Variants in ADAM28 observed in about 807,000 individuals in gnomAD.
ADAM28 encodes ADAM metallopeptidase domain 28.
In ADAM28, 105 loss-of-function variants were observed where a neutral mutation model predicts 101.2. The observed-to-expected ratio is 1.04, with a 90% CI of 0.89 to 1.22. The LOEUF is 1.22. ADAM28 is among the 50% of genes most tolerant of loss of function. The pLI is 0.00. For missense variants in ADAM28, 1,028 were observed against 945.4 expected (o/e 1.09, Z -1.15); for synonymous variants, 322 against 310.6 (o/e 1.04, Z -0.39).
rs868515158 is a variant in ADAM28 at position 24,358,121 on chromosome 8, A to C, written c.*3717A>C. The C allele has an allele frequency of 6.9e-4, 105 of 152,234 alleles. 1 individual carries two copies. Among genetic ancestry groups the C allele is most frequent in the African/African-American group, 2.2e-3 (90 of 41,464 alleles). The allele number at this position is 152,234 out of a possible 1,614,324, so 9.4% of individuals were successfully genotyped here. A position where few individuals can be genotyped will look rare whatever the true frequency, so the allele number is the denominator to read the frequency against. On this transcript the variant is annotated 3_prime_UTR_variant, in exon 23 of 23. Transcript: ENST00000265769. ...AACTTATATTTCCAGATATTTTAAA[A>C]ATTAAAGCAAAATGTGTATAAACTT...
At position 24,349,845 on chromosome 8, in the gene ADAM28, C is replaced by T. The variant is rs367933026; in HGVS notation, c.1991-19C>T. The stretch of plus-strand genomic sequence containing the variant: ...GTGTGTTTCTGCAGTCCTCAGCGGG[C>T]CCCTGTTCTCTGCTGCAGACTTCTC... On this transcript the variant is annotated intron_variant, in intron 18 of 22. Coordinates refer to ENST00000265769, the MANE Select transcript of ADAM28 (RefSeq NM_014265.6). 62 of 1,605,542 alleles carry T rather than the reference C, an allele frequency of 3.9e-5. No individual in the cohort carries two copies. The highest frequency in any genetic ancestry group is 4.5e-5 in the Non-Finnish European group (53 of 1,172,872).
At chr8:24,328,974 CAG>C (rs1439068346) in intron 10 of ADAM28, among the ~76,000 whole-genome samples, 7 of 151,116 alleles carry the variant, frequency 4.6e-5, no homozygotes, top group Admixed American at 1.3e-4. Context: ...TGGGGCAAGA[CAG>C]AATGGAGGTC....
Position 24,309,926 on chromosome 8 carries a change from G to T in ADAM28, c.183G>T (p.Met61Ile). The T allele has an allele frequency of 6.4e-7, 1 of 1,562,488 alleles. No individual in the cohort carries two copies. Among genetic ancestry groups the T allele is most frequent in the Non-Finnish European group, 8.8e-7 (1 of 1,135,708 alleles). The change falls in exon 3 of 23, where the codon ATG (methionine) becomes ATT (isoleucine). Residue 61 changes from methionine to isoleucine, a missense_variant. Coordinates refer to ENST00000265769, the MANE Select transcript of ADAM28 (RefSeq NM_014265.6). ...TTGAAACTGAATTAAAGTATAAAAT[G>T]ACAATTAATGGAAAAATTGCAGTGC... Reference protein sequence around the residue: ...EQFETELKYKMTINGKIAVLY... With the variant: ...EQFETELKYKITINGKIAVLY...
In ADAM28 at chr8:24,321,238, T is replaced by C. The variant is rs1466413233; in HGVS notation, c.669T>C (p.Asn223=). 3 of 1,605,782 alleles carry C rather than the reference T, an allele frequency of 1.9e-6. No individual in the cohort carries two copies. Among genetic ancestry groups the C allele is most frequent in the Non-Finnish European group, 2.6e-6 (3 of 1,173,222 alleles). Residue 223 remains asparagine (N), a synonymous_variant, in exon 8 of 23, where the codon AAT becomes AAC. Coordinates refer to ENST00000265769, the MANE Select transcript of ADAM28 (RefSeq NM_014265.6). ...DNGEFKRYNE[N]QDEIRKRVFE... is the part of the protein sequence containing the mutation. ...TTTAGTTTAAAAGGTACAATGAGAA[T>C]CAAGATGAGATCAGAAAGAGGGTAT...
In ADAM28 at chr8:24,330,133, C is replaced by G. The variant is rs1248351268; in HGVS notation, c.1103+18C>G. On this transcript the variant is annotated intron_variant, in intron 11 of 22. Coordinates refer to ENST00000265769, the MANE Select transcript of ADAM28 (RefSeq NM_014265.6). ...GCACTGAGGTGAGGCTCTCTGGGCC[C>G]TGGGGACATGCTATGTAGCCCTGGT... 1.9e-6 allele frequency: 3 copies of G among 1,609,384 alleles called. No homozygotes were observed. The highest frequency in any genetic ancestry group is 1.7e-4 in the Middle Eastern group (1 of 6,030).
At chr8:24,341,552 A>T in intron 15 of ADAM28, 46 bp from the exon 16 acceptor site, 1 of 1,588,124 alleles carries the variant, frequency 6.3e-7, no homozygotes, top group East Asian at 2.2e-5. Context: ...GCATTTATGT[A>T]AAACTGCAAT....
At position 24,320,239 on chromosome 8, in the gene ADAM28, T is replaced by C. The variant is rs976314329; in HGVS notation, c.580T>C (p.Leu194=). Residue 194 remains leucine (L), a synonymous_variant, in exon 7 of 23, where the codon TTG becomes CTG. Transcript: ENST00000265769. ...AATTCTACTCTTTATATTTCAGAAA[T>C]TGAAAGACAGGAAGGTTCAGGAACA... ...IALPATKLVK[L]KDRKVQEHEK... is the part of the protein sequence containing the mutation. 1.9e-6 allele frequency: 3 copies of C among 1,588,548 alleles called. No homozygotes were observed. Among genetic ancestry groups the C allele is most frequent in the East Asian group, 2.3e-5 (1 of 44,422 alleles).
At chr8:24,321,973 T>A (rs963466914) in intron 8 of ADAM28, among the ~76,000 whole-genome samples, 1 of 152,010 alleles carries the variant, frequency 6.6e-6, no homozygotes, top group Non-Finnish European at 1.5e-5. Flanking sequence ...TATTTTGAAA[T>A]GAATGAGTCT....
At chr8:24,327,926 G>C (rs1290733658) in intron 10 of ADAM28, among the ~76,000 whole-genome samples, 1 of 151,850 alleles carries the variant, frequency 6.6e-6, no homozygotes, top group Non-Finnish European at 1.5e-5. Flanking sequence ...ACAATACATT[G>C]TTATTAATTT....
intron 2 of ADAM28, among the ~76,000 whole-genome samples, chr8:24,306,515 T>C (rs1809716634): frequency 6.6e-6 from 1 of 151,464 alleles, no homozygotes. Flanking sequence ...TGATCTCTAG[T>C]TTCTATTCTT....
At chr8:24,334,601 A>G (rs1004387350) in intron 13 of ADAM28, among the ~76,000 whole-genome samples, 2 of 152,238 alleles carry the variant, frequency 1.3e-5, no homozygotes, top group African/African-American at 4.8e-5. Flanking sequence ...TTTGTCTGGT[A>G]TGTGGTAAGG....
At chr8:24,303,754 T>C (rs1809157965) in intron 2 of ADAM28, among the ~76,000 whole-genome samples, 2 of 152,204 alleles carry the variant, frequency 1.3e-5, no homozygotes, top group Non-Finnish European at 2.9e-5. Flanking sequence ...TTTCACAGTA[T>C]TGATTCTTCA....
Position 24,358,012 on chromosome 8 carries a change from T to C in ADAM28, c.*3608T>C, listed in dbSNP as rs1306522935. On this transcript the variant is annotated 3_prime_UTR_variant, in exon 23 of 23. Transcript: ENST00000265769. ...TAGTTGTTTCTCTTGTTTACTTATA[T>C]AGTTGTTTCTCTTGTTTACTTAATA... is the stretch of plus-strand genomic sequence containing the variant. 12 of 146,212 alleles carry C rather than the reference T, an allele frequency of 8.2e-5. No individual in the cohort carries two copies. The highest frequency in any genetic ancestry group is 4.8e-4 in the Admixed American group (7 of 14,612). The allele number at this position is 146,212 out of a possible 1,614,324, so 9.1% of individuals were successfully genotyped here.
chr8:24,302,807 A>C (rs2129241026), intron 2 of ADAM28, among the ~76,000 whole-genome samples: 1 of 152,104 alleles, frequency 6.6e-6, no homozygotes. Flanking sequence ...TCTAGGGTAC[A>C]TGTGCACAAC....
At chr8:24,331,586 T>C (rs1813370676) in intron 12 of ADAM28, among the ~76,000 whole-genome samples, 1 of 152,122 alleles carries the variant, frequency 6.6e-6, no homozygotes, top group East Asian at 1.9e-4. Context: ...CCTTGTGTCC[T>C]CGTCCCTCCC....
chr8:24,342,978 T>G (rs554086824), intron 16 of ADAM28, 123 bp from the exon 17 acceptor site: 3 of 1,493,866 alleles, frequency 2.0e-6, no homozygotes, highest in African/African-American at 2.8e-5. Context: ...GTTTCCCTTC[T>G]TCTACATCAG....
At chr8:24,313,718 G>A in intron 6 of ADAM28, 138 bp downstream of exon 6, 2 of 823,490 alleles carry the variant, frequency 2.4e-6, no homozygotes, top group Non-Finnish European at 3.6e-6. Context: ...AATATTGCTA[G>A]ACATTAATGA....
chr8:24,314,005 T>A (rs1810827310), intron 6 of ADAM28, among the ~76,000 whole-genome samples: 1 of 152,020 alleles, frequency 6.6e-6, no homozygotes, highest in South Asian at 2.1e-4. Flanking sequence ...GATCCACCTG[T>A]CTCAGCCTCC....
chr8:24,343,278 A>G lies in ADAM28; in HGVS notation c.1911+97A>G, dbSNP rs568759535. ...AAAGGAATATTTTCAGCTTTAAATG[A>G]TGATAATTACTAAGTTTATCCAAGC... On this transcript the variant is annotated intron_variant, in intron 17 of 22. Coordinates refer to ENST00000265769, the MANE Select transcript of ADAM28 (RefSeq NM_014265.6). The G allele has an allele frequency of 1.9e-5, 27 of 1,422,256 alleles. No homozygotes were observed. The South Asian group carries it at 2.8e-4, about 15-fold the overall frequency. The allele number at this position is 1,422,256 out of a possible 1,614,324, so 88.1% of individuals were successfully genotyped here. A position where few individuals can be genotyped will look rare whatever the true frequency, so the allele number is the denominator to read the frequency against.
Sources: gnomAD v4.1 joint callset for allele counts (sites outside exome capture counted in the v4.1 genomes callset) on GRCh38, gnomAD v4.1.1 for gene constraint, MANE v1.5 for transcripts, NCBI Gene and HGNC (gene_info 2026-07-23, HGNC 2026-07-21) for gene names.